Variants in CEP44 observed in about 807,000 individuals in gnomAD.
CEP44 encodes centrosomal protein 44.
In CEP44, 45 loss-of-function variants were observed where a neutral mutation model predicts 46.7. The ratio of observed to expected loss-of-function variants is 0.96; its 90% CI spans 0.76 to 1.24. The LOEUF (loss-of-function observed/expected upper bound fraction) is 1.24. CEP44 is among the 50% of genes most tolerant of loss of function. The probability of loss-of-function intolerance (pLI) is 0.00; values close to 1 mark genes in which losing one functional copy is unlikely to be tolerated. For missense variants in CEP44, 475 were observed against 459.7 expected (o/e 1.03, Z -0.30); for synonymous variants, 142 against 146.0 (o/e 0.97, Z 0.20).
At position 174,326,218 on chromosome 4, in the gene CEP44, G is replaced by GT. The variant is rs1742655690; in HGVS notation, c.1087-5263dup. ...TCTTGGCTTATGAAGTATCCTGTGT[G>GT]TGTATGTGTGTGTGTGTGTCTGTGT... is the stretch of plus-strand genomic sequence containing the variant. On this transcript the variant is annotated intron_variant, in intron 8 of 8. Transcript: ENST00000426172. This position sits in a 1 kb window ranked among gnomAD's most constrained non-coding sequence, Gnocchi z 4.8. Among the ~76,000 whole-genome samples, 1 of 151,452 alleles carries GT rather than the reference G, an allele frequency of 6.6e-6. No homozygotes were observed. The highest frequency in any genetic ancestry group is 1.5e-5 in the Non-Finnish European group (1 of 67,788).
intron 11 of CEP44, 31 bp downstream of exon 11, chr4:174,316,598 A>G: frequency 1.3e-6 from 2 of 1,555,380 alleles, no homozygotes; most frequent in Non-Finnish European, 1.8e-6. Context: ...ACAGAAATTC[A>G]TTTCTCTATA....
intron 1 of CEP44, among the ~76,000 whole-genome samples, chr4:174,293,586 C>A (rs1738483257): frequency 6.6e-6 from 1 of 152,066 alleles, no homozygotes; most frequent in African/African-American, 2.4e-5. Context: ...TTTTATATTT[C>A]ATTCTAATCA....
intron 6 of CEP44, among the ~76,000 whole-genome samples, chr4:174,308,179 A>G (rs1740652460): frequency 6.6e-6 from 1 of 152,172 alleles, no homozygotes; most frequent in African/African-American, 2.4e-5. Context: ...ACAATAGCAA[A>G]GACATGGAAT....
Position 174,311,504 on chromosome 4 carries a change from T to C in CEP44, c.961+646T>C, listed in dbSNP as rs541612427. Among the ~76,000 whole-genome samples, 20 of 152,092 alleles carry C rather than the reference T, an allele frequency of 1.3e-4. No homozygotes were observed. Among genetic ancestry groups the C allele is most frequent in the Non-Finnish European group, 2.6e-4 (18 of 67,976 alleles). On this transcript the variant is annotated intron_variant, in intron 9 of 11. Transcript: ENST00000503780. The surrounding 1 kb of genome is among the most constrained non-coding windows in gnomAD (Gnocchi z 4.4). ...CTATAGAAGAGATGTTTTGTCCAAT[T>C]GAGAATTCATCGTTAAGTTAAATTT...
downstream of CEP44, among the ~76,000 whole-genome samples, chr4:174,320,683 T>C (rs1235265447): frequency 8.2e-6 from 1 of 122,140 alleles, no homozygotes; most frequent in Non-Finnish European, 1.9e-5. Context: ...CTGAGTGTGC[T>C]CTGTGTGTGT....
chr4:174,302,773 A>G (rs1170229035), intron 4 of CEP44, among the ~76,000 whole-genome samples: 4 of 151,674 alleles, frequency 2.6e-5, no homozygotes, highest in African/African-American at 9.7e-5. Flanking sequence ...CCACTTATCA[A>G]ATGTAGTCTA....
At chr4:174,306,097 G>C (rs991393599) in intron 6 of CEP44, among the ~76,000 whole-genome samples, 3 of 152,022 alleles carry the variant, frequency 2.0e-5, no homozygotes, top group Non-Finnish European at 4.4e-5. Context: ...TCCTATCCCA[G>C]TGCCTTATAT....
chr4:174,321,308 C>T (rs1244502100), downstream of CEP44, among the ~76,000 whole-genome samples: 1 of 152,156 alleles, frequency 6.6e-6, no homozygotes, highest in East Asian at 1.9e-4. Flanking sequence ...TAAATATATA[C>T]AGCTTCTTGC....
At chr4:174,291,399 C>G (rs761206736) in intron 1 of CEP44, among the ~76,000 whole-genome samples, 21 of 152,110 alleles carry the variant, frequency 1.4e-4, no homozygotes, top group Non-Finnish European at 3.1e-4. Flanking sequence ...TTCAGAATCT[C>G]TACACTTCTC....
At chr4:174,291,787 CTTTTT>C (rs56201469) in intron 1 of CEP44, among the ~76,000 whole-genome samples, 51 of 46,410 alleles carry the variant, frequency 1.1e-3, no homozygotes, top group East Asian at 7.0e-3. Flanking sequence ...TTTTTCTTTT[CTTTTT>C]TTTTTTTTTT....
rs1447088521 is a variant in CEP44, at chr4:174,310,982, A to G, written c.961+124A>G. On this transcript the variant is annotated intron_variant, in intron 9 of 11. Coordinates refer to ENST00000503780, the MANE Select transcript of CEP44 (RefSeq NM_001040157.3). The surrounding 1 kb of genome is among the most constrained non-coding windows in gnomAD (Gnocchi z 4.2). ...GCAAAGCTCCTAGAACAAAGAACAT[A>G]ATGAACCTACAGACTACTAAAGCCA... 2 of 524,582 alleles carry G rather than the reference A, an allele frequency of 3.8e-6. No homozygotes were observed. The highest frequency in any genetic ancestry group is 3.9e-5 in the African/African-American group (2 of 50,798). 32.5% of individuals were successfully genotyped at this position (524,582 alleles called of 1,614,324 possible). A position where few individuals can be genotyped will look rare whatever the true frequency, so the allele number is the denominator to read the frequency against.
At chr4:174,320,684 CTGTG>C (rs34832692), downstream of CEP44, among the ~76,000 whole-genome samples, 194 of 147,526 alleles carry the variant, frequency 1.3e-3, 2 homozygotes, top group African/African-American at 4.7e-3. Flanking sequence ...TGAGTGTGCT[CTGTG>C]TGTGTGTGTG....
chr4:174,309,942 GT>G lies in CEP44; in HGVS notation c.773del (p.Leu258Ter). ...LKKLTSIEKR[L>X]DCLEQKMKGK... The stretch of plus-strand genomic sequence containing the variant: ...AGAAACTGACTTCGATAGAGAAAAG[GT>G]TAGACTGTTTGGAACAAAAAATGAA... On this transcript the variant is annotated frameshift_variant, in exon 8 of 12. Transcript: ENST00000503780. LOFTEE classifies it high-confidence loss of function. This position sits in a 1 kb window ranked among gnomAD's most constrained non-coding sequence, Gnocchi z 5.3. 6.2e-7 allele frequency: 1 copy of G among 1,612,772 alleles called. No individual in the cohort carries two copies. The highest frequency in any genetic ancestry group is 8.5e-7 in the Non-Finnish European group (1 of 1,179,192).
chr4:174,308,878 T>G lies in CEP44; in HGVS notation c.678+19T>G. On this transcript the variant is annotated intron_variant, in intron 7 of 11. Coordinates refer to ENST00000503780, the MANE Select transcript of CEP44 (RefSeq NM_001040157.3). ...GCAACAGGTAACAACTTTGGACTTT[T>G]TAAATAGATGCCAGTATTTTTTACT... The G allele has an allele frequency of 6.2e-7, 1 of 1,605,110 alleles. No homozygotes were observed.
At chr4:174,294,780 A>T (rs1250872366) in intron 1 of CEP44, among the ~76,000 whole-genome samples, 1 of 128,762 alleles carries the variant, frequency 7.8e-6, no homozygotes, top group Non-Finnish European at 1.7e-5. Flanking sequence ...TCCCTCCCGG[A>T]CGGTGCGGCT....
Position 174,318,790 on chromosome 4 carries a change from A to C in CEP44, c.*1407A>C. Reference sequence around the variant, plus strand: ...TGTAAGAAATCACTTTTAAGAAAACATTTTTAGAATTCCTTTGTTTTTTTT... The same window carrying C: ...TGTAAGAAATCACTTTTAAGAAAACCTTTTTAGAATTCCTTTGTTTTTTTT... On this transcript the variant is annotated 3_prime_UTR_variant, in exon 12 of 12. Transcript: ENST00000503780. 1.3e-6 allele frequency: 1 copy of C among 759,066 alleles called. No homozygotes were observed. Among genetic ancestry groups the C allele is most frequent in the South Asian group, 6.3e-5 (1 of 15,860 alleles). 47.0% of individuals were successfully genotyped at this position (759,066 alleles called of 1,614,324 possible). A position where few individuals can be genotyped will look rare whatever the true frequency, so the allele number is the denominator to read the frequency against.
chr4:174,311,571 C>G lies in CEP44; in HGVS notation c.961+713C>G, dbSNP rs1238800675. Among the ~76,000 whole-genome samples, 1 of 152,090 alleles carries G rather than the reference C, an allele frequency of 6.6e-6. No homozygotes were observed. The highest frequency in any genetic ancestry group is 1.5e-5 in the Non-Finnish European group (1 of 67,978). On this transcript the variant is annotated intron_variant, in intron 9 of 11. Transcript: ENST00000503780. This position sits in a 1 kb window ranked among gnomAD's most constrained non-coding sequence, Gnocchi z 4.4. ...GTTAACGTTATAAAATCTTTCAGCTCTACTATATGTGTAACAATAAAATAA... is the reference window on the plus strand; with the variant it reads ...GTTAACGTTATAAAATCTTTCAGCTGTACTATATGTGTAACAATAAAATAA...
In CEP44 at chr4:174,299,319, A is replaced by C. The variant is rs993490094; in HGVS notation, c.89+109A>C. On this transcript the variant is annotated intron_variant, in intron 3 of 11. Coordinates refer to ENST00000503780, the MANE Select transcript of CEP44 (RefSeq NM_001040157.3). ...ATCAGATTTTACCTGGTTCCTATTT[A>C]AATCTGCCTTGAAATGATTAAAATA... 5 of 786,778 alleles carry C rather than the reference A, an allele frequency of 6.4e-6. No homozygotes were observed. In the Admixed American group the frequency reaches 8.3e-5, roughly 13 times the overall value. 48.7% of individuals were successfully genotyped at this position (786,778 alleles called of 1,614,324 possible).
chr4:174,303,629 C>T, intron 4 of CEP44, 74 bp from the exon 5 acceptor site: 1 of 921,708 alleles, frequency 1.1e-6, no homozygotes, highest in Admixed American at 2.2e-5. Context: ...TTCCCCTGAC[C>T]AGGTGGGCAT....
Sources: allele counts gnomAD v4.1 joint callset (sites outside exome capture counted in the v4.1 genomes callset), GRCh38; gene constraint gnomAD v4.1.1; non-coding constraint Gnocchi (gnomAD v3.1); transcripts MANE v1.5; gene names NCBI Gene and HGNC (gene_info 2026-07-23, HGNC 2026-07-21).